NOX3: variants seen among roughly 807,000 people sequenced by gnomAD.
NOX3 encodes NADPH oxidase 3, also known as NADPH oxidase catalytic subunit-like 3.
NOX3 carries 74 observed loss-of-function variants against 76.7 expected under a neutral mutation model. That is an observed-to-expected ratio of 0.96 (90% CI 0.80 to 1.17). The LOEUF (loss-of-function observed/expected upper bound fraction) is 1.17. Among genes scored for constraint, NOX3 ranks in the 50% most tolerant of loss-of-function variants. The pLI, the probability that NOX3 is intolerant of heterozygous loss-of-function variation, is 0.00. For missense variants in NOX3, 695 were observed against 703.3 expected (o/e 0.99, Z 0.13); for synonymous variants, 263 against 261.1 (o/e 1.01, Z -0.07).
chr6:155,410,888 G>T (rs1776541096), intron 11 of NOX3, among the ~76,000 whole-genome samples: 1 of 152,162 alleles, frequency 6.6e-6, no homozygotes, highest in Non-Finnish European at 1.5e-5. Flanking sequence ...AGATGATACA[G>T]CCAATCAGTA....
chr6:155,429,122 G>T, intron 8 of NOX3, 75 bp from the exon 9 acceptor site: 1 of 1,389,296 alleles, frequency 7.2e-7, no homozygotes, highest in South Asian at 1.9e-5. Flanking sequence ...CATCAAAGGT[G>T]TTGAAAATTT....
chr6:155,449,085 A>T (rs1777101652), intron 4 of NOX3, among the ~76,000 whole-genome samples: 1 of 152,138 alleles, frequency 6.6e-6, no homozygotes, highest in Non-Finnish European at 1.5e-5. Context: ...GCAATCCTTG[A>T]GGGGTCAGGA....
intron 10 of NOX3, among the ~76,000 whole-genome samples, chr6:155,412,810 T>A (rs1421079251): frequency 6.6e-6 from 1 of 152,174 alleles, no homozygotes; most frequent in Non-Finnish European, 1.5e-5. Context: ...CTGTCCAGAC[T>A]CTTCTGTGCT....
chr6:155,415,383 A>G (rs1776611112), intron 10 of NOX3, among the ~76,000 whole-genome samples: 1 of 152,242 alleles, frequency 6.6e-6, no homozygotes, highest in South Asian at 2.1e-4. Context: ...CCGTATCTTG[A>G]ATAGATATCC....
At chr6:155,411,726 C>T (rs1776554845) in intron 10 of NOX3, among the ~76,000 whole-genome samples, 1 of 152,230 alleles carries the variant, frequency 6.6e-6, no homozygotes, top group South Asian at 2.1e-4. Context: ...AGACCAACCC[C>T]TTCATCTTTA....
intron 10 of NOX3, among the ~76,000 whole-genome samples, chr6:155,416,109 G>C (rs2114684721): frequency 6.6e-6 from 1 of 152,334 alleles, no homozygotes; most frequent in South Asian, 2.1e-4. Context: ...GTTTTACAGG[G>C]AGCCAGGGGC....
chr6:155,455,576 CT>C (rs1467784883), intron 1 of NOX3, among the ~76,000 whole-genome samples, 176 bp downstream of exon 1: 1 of 152,180 alleles, frequency 6.6e-6, no homozygotes, highest in African/African-American at 2.4e-5. Context: ...CGGAAAACAA[CT>C]TTGCATGATT....
At position 155,453,875 on chromosome 6, in the gene NOX3, C is replaced by T. The variant is rs565212247; in HGVS notation, c.256-387G>A. ...AAATATGCATCTATATATAAATATT[C>T]ATAAAATCATGATGATGATTATACA... On this transcript the variant is annotated intron_variant, in intron 3 of 13. Transcript: ENST00000159060. Among the ~76,000 whole-genome samples the T allele has an allele frequency of 1.9e-4, 29 of 152,214 alleles. No individual in the cohort carries two copies. The South Asian group carries it at 5.6e-3, about 29-fold the overall frequency.
intron 12 of NOX3, among the ~76,000 whole-genome samples, chr6:155,401,810 A>G (rs1013971803): frequency 2.0e-5 from 3 of 150,814 alleles, no homozygotes; most frequent in Non-Finnish European, 4.4e-5. Flanking sequence ...AAAAAAAATG[A>G]CCAAACTTTA....
Position 155,440,103 on chromosome 6 carries a change from C to G in NOX3, c.521G>C (p.Gly174Ala), listed in dbSNP as rs568200503. 4 of 1,612,438 alleles carry G rather than the reference C, an allele frequency of 2.5e-6. No individual in the cohort carries two copies. The African/African-American group carries it at 5.3e-5, about 22-fold the overall frequency. The change falls in exon 6 of 14, where the codon GGC (glycine) becomes GCC (alanine). Residue 174 changes from glycine to alanine, a missense_variant. By Grantham distance (60) the Gly-to-Ala change is moderately conservative. Transcript: ENST00000159060. Reference sequence around the variant, plus strand: ...CAGAGAGATCACCAGACCGGTGACGCCTGCTATTGTCCTTAGCAATTCAGT... The same window carrying G: ...CAGAGAGATCACCAGACCGGTGACGGCTGCTATTGTCCTTAGCAATTCAGT... The part of the protein sequence containing the change: ...TTTELLRTIA[G>A]VTGLVISLAL...
At position 155,443,483 on chromosome 6, in the gene NOX3, A is replaced by C. The variant is rs1021531069; in HGVS notation, c.341-65T>G. Reference sequence around the variant, plus strand: ...TTGCTTTCTCCCTAGTTACTAAAAAATACAGTGTCTCTGTGCTCAAGTTTC... The same window carrying C: ...TTGCTTTCTCCCTAGTTACTAAAAACTACAGTGTCTCTGTGCTCAAGTTTC... On this transcript the variant is annotated intron_variant, in intron 4 of 13. Coordinates refer to ENST00000159060, the MANE Select transcript of NOX3 (RefSeq NM_015718.3). 11 of 1,554,388 alleles carry C rather than the reference A, an allele frequency of 7.1e-6. No homozygotes were observed. In the African/African-American group the frequency reaches 1.2e-4, roughly 17 times the overall value.
At chr6:155,408,219 C>G (rs1223535343) in intron 11 of NOX3, among the ~76,000 whole-genome samples, 1 of 152,176 alleles carries the variant, frequency 6.6e-6, no homozygotes, top group African/African-American at 2.4e-5. Flanking sequence ...ATCTCCTGAC[C>G]TCATGATCCA....
At chr6:155,401,701 G>A (rs780763979) in intron 12 of NOX3, among the ~76,000 whole-genome samples, 7 of 149,192 alleles carry the variant, frequency 4.7e-5, no homozygotes, top group Non-Finnish European at 7.4e-5. Flanking sequence ...TTTCTTCATC[G>A]TTAGGTTGGG....
At chr6:155,438,904 C>T (rs1003433977) in intron 6 of NOX3, among the ~76,000 whole-genome samples, 5 of 152,168 alleles carry the variant, frequency 3.3e-5, no homozygotes, top group Admixed American at 3.3e-4. Context: ...AGGGCATTAG[C>T]AACATTGCTG....
chr6:155,453,534 GA>G, intron 3 of NOX3, 46 bp from the exon 4 acceptor site: 1 of 1,394,906 alleles, frequency 7.2e-7, no homozygotes, highest in Non-Finnish European at 1.0e-6. Context: ...AAATTGCAGT[GA>G]AAACAATCTC....
At chr6:155,416,694 C>T (rs1776624752) in intron 10 of NOX3, among the ~76,000 whole-genome samples, 1 of 146,832 alleles carries the variant, frequency 6.8e-6, no homozygotes, top group Non-Finnish European at 1.5e-5. Flanking sequence ...TCCGTTTGGT[C>T]TAATTACAGT....
intron 12 of NOX3, among the ~76,000 whole-genome samples, chr6:155,406,788 AGAT>A (rs780991350): frequency 2.6e-4 from 40 of 152,354 alleles, no homozygotes; most frequent in Admixed American, 7.2e-4. Context: ...TAGACATGCT[AGAT>A]AGTGTACAGT....
intron 8 of NOX3, among the ~76,000 whole-genome samples, chr6:155,429,380 A>G (rs1776802832): frequency 6.6e-6 from 1 of 152,172 alleles, no homozygotes; most frequent in Non-Finnish European, 1.5e-5. Flanking sequence ...CTTGCATATT[A>G]TTATGCTTAG....
intron 11 of NOX3, 116 bp from the exon 12 acceptor site, chr6:155,407,370 T>C (rs1197279764): frequency 2.1e-6 from 2 of 960,404 alleles, no homozygotes; most frequent in Admixed American, 2.7e-5. Context: ...TGTACAGGGC[T>C]GGCAATGCTT....
Sources: allele counts gnomAD v4.1 joint callset (sites outside exome capture counted in the v4.1 genomes callset), GRCh38; gene constraint gnomAD v4.1.1; transcripts MANE v1.5; gene names NCBI Gene and HGNC (gene_info 2026-07-23, HGNC 2026-07-21).